SORBS2: variants seen among roughly 807,000 people sequenced by gnomAD.
SORBS2 encodes sorbin and SH3 domain containing 2.
A neutral mutation model predicts 97.7 loss-of-function variants in SORBS2; 46 were observed. The ratio of observed to expected loss-of-function variants is 0.47; its 90% CI spans 0.37 to 0.60. The LOEUF is 0.60. Ranked by LOEUF, SORBS2 falls within the 20% of genes least tolerant of loss-of-function variation. The pLI, the probability that SORBS2 is intolerant of heterozygous loss-of-function variation, is 0.00. For synonymous variants in SORBS2, 476 were observed against 473.4 expected, an observed-to-expected ratio of 1.01 and a Z score of -0.07; for missense variants, 1,316 against 1,282.3, an observed-to-expected ratio of 1.03 and a Z score of -0.40.
At chr4:185,722,539 T>C (rs1004673835) in intron 2 of SORBS2, among the ~76,000 whole-genome samples, 13 of 152,208 alleles carry the variant, frequency 8.5e-5, no homozygotes, top group African/African-American at 2.7e-4. Flanking sequence ...TGCAGAATGG[T>C]ACTCTACAAT....
At chr4:185,901,896 T>C (rs964476825) in intron 1 of SORBS2, among the ~76,000 whole-genome samples, 1 of 152,206 alleles carries the variant, frequency 6.6e-6, no homozygotes, top group African/African-American at 2.4e-5. Context: ...AACCTGAGTT[T>C]TGTGGTTAAA....
chr4:185,818,811 G>T (rs1179427943), intron 1 of SORBS2, among the ~76,000 whole-genome samples: 1 of 147,326 alleles, frequency 6.8e-6, no homozygotes, highest in Non-Finnish European at 1.5e-5. Flanking sequence ...GGGTGACAGA[G>T]CGAGACTCTG....
intron 12 of SORBS2, among the ~76,000 whole-genome samples, chr4:185,599,251 A>G (rs1247752751): frequency 1.3e-5 from 2 of 152,234 alleles, no homozygotes; most frequent in African/African-American, 2.4e-5. Context: ...ATCCGGGTCC[A>G]TTAAAACAGA....
At chr4:185,841,325 G>A (rs1405197878) in intron 1 of SORBS2, among the ~76,000 whole-genome samples, 1 of 152,184 alleles carries the variant, frequency 6.6e-6, no homozygotes, top group Non-Finnish European at 1.5e-5. Flanking sequence ...AAGGTTGGGG[G>A]GAGATTAGTG....
intron 2 of SORBS2, among the ~76,000 whole-genome samples, chr4:185,686,631 T>C (rs1427939503): frequency 6.6e-6 from 1 of 152,238 alleles, no homozygotes; most frequent in African/African-American, 2.4e-5. Flanking sequence ...AGCTGGAAAC[T>C]GGTTGAAATG....
At chr4:185,946,784 A>G (rs1377336925) in intron 1 of SORBS2, among the ~76,000 whole-genome samples, 1 of 152,248 alleles carries the variant, frequency 6.6e-6, no homozygotes, top group Admixed American at 6.5e-5. Flanking sequence ...AAAGTGCCAA[A>G]TAAGACAATA....
intron 1 of SORBS2, among the ~76,000 whole-genome samples, chr4:185,876,852 A>G (rs1220783273): frequency 1.3e-5 from 2 of 152,260 alleles, no homozygotes; most frequent in Non-Finnish European, 2.9e-5. Flanking sequence ...AGAGGTATAC[A>G]TTAGCATGAT....
intron 2 of SORBS2, among the ~76,000 whole-genome samples, chr4:185,762,768 GTGTT>G (rs2153612079): frequency 6.6e-6 from 1 of 152,290 alleles, no homozygotes; most frequent in South Asian, 2.1e-4. Flanking sequence ...TTCTCTCAGT[GTGTT>G]TATTATTATT....
chr4:185,605,077 C>A (rs909827312), intron 12 of SORBS2, among the ~76,000 whole-genome samples: 9 of 152,262 alleles, frequency 5.9e-5, no homozygotes, highest in African/African-American at 2.2e-4. Context: ...TGGCTCCTTG[C>A]AATGAATTAT....
chr4:185,741,328 A>C (rs1182634319), intron 2 of SORBS2, among the ~76,000 whole-genome samples: 4 of 151,806 alleles, frequency 2.6e-5, no homozygotes, highest in Non-Finnish European at 2.9e-5. Flanking sequence ...TCAGTCCTGC[A>C]ATTGCATTAG....
intron 4 of SORBS2, chr4:185,638,941 G>T (rs2097078181): frequency 1.3e-6 from 2 of 1,518,358 alleles, no homozygotes; most frequent in African/African-American, 1.4e-5. Context: ...GGGCGGAGGG[G>T]AGGGGCTACC....
At chr4:185,922,459 C>T (rs973216252) in intron 1 of SORBS2, among the ~76,000 whole-genome samples, 1 of 152,208 alleles carries the variant, frequency 6.6e-6, no homozygotes, top group Non-Finnish European at 1.5e-5. Context: ...TTATAACTCA[C>T]ATTCATAGGA....
intron 1 of SORBS2, among the ~76,000 whole-genome samples, chr4:185,841,163 C>T (rs1283037316): frequency 2.6e-5 from 4 of 152,272 alleles, no homozygotes; most frequent in Middle Eastern, 3.4e-3. Flanking sequence ...ACCTGAACTC[C>T]CCTTGTGGGT....
At chr4:185,722,517 C>A (rs1214945148) in intron 2 of SORBS2, among the ~76,000 whole-genome samples, 1 of 152,136 alleles carries the variant, frequency 6.6e-6, no homozygotes, top group African/African-American at 2.4e-5. Context: ...CTGTGAATAT[C>A]ACTTCAGGCT....
intron 2 of SORBS2, among the ~76,000 whole-genome samples, chr4:185,733,012 C>A (rs1044994845): frequency 6.6e-6 from 1 of 152,204 alleles, no homozygotes; most frequent in Admixed American, 6.5e-5. Context: ...AGGAAGGATT[C>A]GCTGCTGGAG....
chr4:185,600,842 G>T (rs969800314), intron 12 of SORBS2, among the ~76,000 whole-genome samples: 27 of 152,036 alleles, frequency 1.8e-4, no homozygotes, highest in Non-Finnish European at 2.2e-4. Context: ...AGGCCTTTTT[G>T]GGGGGAAACA....
chr4:185,701,759 GT>G (rs1165893076), intron 2 of SORBS2, among the ~76,000 whole-genome samples: 1 of 143,934 alleles, frequency 6.9e-6, no homozygotes, highest in Non-Finnish European at 1.5e-5. Context: ...GGGCCAAAAA[GT>G]TAGCAAATTT....
At chr4:185,806,488 C>T (rs1296139010) in intron 1 of SORBS2, among the ~76,000 whole-genome samples, 3 of 114,682 alleles carry the variant, frequency 2.6e-5, no homozygotes, top group Non-Finnish European at 1.6e-5. Flanking sequence ...GACGGAGTCT[C>T]GCTCTGTCGC....
chr4:185,764,509 A>G (rs1172042088), intron 2 of SORBS2, among the ~76,000 whole-genome samples: 1 of 152,170 alleles, frequency 6.6e-6, no homozygotes, highest in African/African-American at 2.4e-5. Context: ...CTTTGAATTC[A>G]CCATTTATAG....
Sources: gnomAD v4.1 joint callset for allele counts (sites outside exome capture counted in the v4.1 genomes callset) on GRCh38, gnomAD v4.1.1 for gene constraint, MANE v1.5 for transcripts, NCBI Gene and HGNC (gene_info 2026-07-23, HGNC 2026-07-21) for gene names.